The following PRKCE variants were observed in gnomAD, a reference collection of about 807,000 sequenced individuals.
The protein encoded by PRKCE is protein kinase C epsilon, also known as protein kinase C epsilon type.
PRKCE carries 16 observed loss-of-function variants against 85.4 expected under a neutral mutation model. That is an observed-to-expected ratio of 0.19 (90% confidence interval 0.13 to 0.28). PRKCE has a LOEUF of 0.28. Ranked by LOEUF, PRKCE falls within the 10% of genes least tolerant of loss-of-function variation. The pLI, the probability that PRKCE is intolerant of heterozygous loss-of-function variation, is 1.00. For synonymous variants in PRKCE, 388 were observed against 371.5 expected (o/e 1.04, Z -0.51); for missense variants, 573 against 975.2 (o/e 0.59, Z 5.49).
At chr2:45,731,416 G>A (rs1681562944) in intron 1 of PRKCE, among the ~76,000 whole-genome samples, 1 of 152,084 alleles carries the variant, frequency 6.6e-6, no homozygotes, top group South Asian at 2.1e-4. Flanking sequence ...GTGGGGAGAT[G>A]GAGTAAAAAT....
At chr2:46,096,361 T>C (rs777017710) in intron 11 of PRKCE, among the ~76,000 whole-genome samples, 5 of 152,246 alleles carry the variant, frequency 3.3e-5, no homozygotes, top group African/African-American at 9.6e-5. Flanking sequence ...AACACAGTTC[T>C]GGAGTCAGAA....
chr2:46,096,596 G>A (rs1324785692), intron 11 of PRKCE, among the ~76,000 whole-genome samples: 1 of 152,178 alleles, frequency 6.6e-6, no homozygotes, highest in African/African-American at 2.4e-5. Context: ...GAAACTGGGA[G>A]AATACAGCCT....
intron 1 of PRKCE, among the ~76,000 whole-genome samples, chr2:45,664,174 G>C (rs1675807592): frequency 1.3e-5 from 2 of 152,322 alleles, no homozygotes; most frequent in South Asian, 4.1e-4. Context: ...AGGTCTGATA[G>C]GGATGGAGAA....
Position 45,966,523 on chromosome 2 carries a change from C to T in PRKCE, c.413-9906C>T, listed in dbSNP as rs148176594. On this transcript the variant is annotated intron_variant, in intron 2 of 14. Transcript: ENST00000306156. ...TTGACAGTTATTTAGACCAAAATAC[C>T]AGGATAGTTGAATTGTTTTCTTTGT... Among the ~76,000 whole-genome samples, 14 of 152,250 alleles carry T rather than the reference C, an allele frequency of 9.2e-5. No individual in the cohort carries two copies. The East Asian group carries it at 2.1e-3, about 23-fold the overall frequency.
At chr2:46,102,068 T>C (rs980956167) in intron 11 of PRKCE, among the ~76,000 whole-genome samples, 1 of 152,174 alleles carries the variant, frequency 6.6e-6, no homozygotes, top group African/African-American at 2.4e-5. Context: ...TGCGTGTCTC[T>C]TCCCCATTCT....
At position 45,834,446 on chromosome 2, in the gene PRKCE, T is replaced by C. The variant is rs1427092818; in HGVS notation, c.349-8554T>C. On this transcript the variant is annotated intron_variant, in intron 1 of 14. Transcript: ENST00000306156. ...CAGAACACAATTTTGTAAATGGGCG[T>C]AGAATAAAGAATAAGGCCTCCTTTC... 2.0e-5 allele frequency among the ~76,000 whole-genome samples: 3 copies of C among 152,232 alleles called. No individual in the cohort carries two copies. The East Asian group carries it at 5.8e-4, about 29-fold the overall frequency.
At chr2:45,686,745 A>C (rs1329614929) in intron 1 of PRKCE, among the ~76,000 whole-genome samples, 1 of 152,182 alleles carries the variant, frequency 6.6e-6, no homozygotes, top group Non-Finnish European at 1.5e-5. Flanking sequence ...ATATTTAAGT[A>C]GTATAGAATT....
At chr2:45,996,825 G>T (rs1033657645) in intron 6 of PRKCE, among the ~76,000 whole-genome samples, 6 of 152,048 alleles carry the variant, frequency 3.9e-5, no homozygotes, top group African/African-American at 1.4e-4. Context: ...TGATATTATG[G>T]TAATGGTGGC....
intron 1 of PRKCE, among the ~76,000 whole-genome samples, chr2:45,803,140 G>C (rs554132469): frequency 6.6e-6 from 1 of 152,324 alleles, no homozygotes; most frequent in African/African-American, 2.4e-5. Flanking sequence ...GTCTCAGACC[G>C]TGGTGGATCT....
At chr2:45,655,189 C>T (rs1675320248) in intron 1 of PRKCE, among the ~76,000 whole-genome samples, 1 of 152,188 alleles carries the variant, frequency 6.6e-6, no homozygotes, top group Non-Finnish European at 1.5e-5. Flanking sequence ...CCCTGGGTTA[C>T]TCTCAAGGGG....
chr2:45,849,938 A>G (rs2105544799), intron 2 of PRKCE, among the ~76,000 whole-genome samples: 1 of 152,346 alleles, frequency 6.6e-6, no homozygotes, highest in South Asian at 2.1e-4. Flanking sequence ...CAAGGGGATC[A>G]GCTGGAAAAC....
chr2:45,762,929 C>CTT (rs373886402), intron 1 of PRKCE, among the ~76,000 whole-genome samples: 1 of 147,234 alleles, frequency 6.8e-6, no homozygotes, highest in Non-Finnish European at 1.5e-5. Context: ...TTGAGGTGTT[C>CTT]TTTCTTTTCT....
chr2:45,815,200 C>G (rs892486352), intron 1 of PRKCE, among the ~76,000 whole-genome samples: 4 of 152,180 alleles, frequency 2.6e-5, no homozygotes, highest in South Asian at 2.1e-4. Context: ...CCAGTTACCC[C>G]CCTTCTTTGG....
chr2:46,094,784 G>A (rs1438771125), intron 11 of PRKCE, among the ~76,000 whole-genome samples: 1 of 146,408 alleles, frequency 6.8e-6, no homozygotes, highest in Admixed American at 6.9e-5. Context: ...TAAGAACTCA[G>A]AACTTAAAAT....
rs72879778 is a variant in PRKCE, at chr2:46,152,839, A to G, written c.1920+1610A>G. Among the ~76,000 whole-genome samples the G allele has an allele frequency of 2.5e-3, 382 of 152,214 alleles. 3 individuals are homozygous for G. The highest frequency in any genetic ancestry group is 8.7e-3 in the African/African-American group (360 of 41,532). On this transcript the variant is annotated intron_variant, in intron 13 of 14. Transcript: ENST00000306156. ...TGGGATTACAGGTGTGAGCCACTAC[A>G]CCCTACCTAATGTAAATTATTGTAT...
At chr2:46,031,048 A>G (rs1707481447) in intron 10 of PRKCE, among the ~76,000 whole-genome samples, 1 of 152,222 alleles carries the variant, frequency 6.6e-6, no homozygotes, top group Non-Finnish European at 1.5e-5. Flanking sequence ...GAATATTTAA[A>G]TGGATTTCCC....
intron 2 of PRKCE, among the ~76,000 whole-genome samples, chr2:45,870,708 G>T (rs796517037): frequency 1.3e-5 from 2 of 152,316 alleles, no homozygotes; most frequent in African/African-American, 4.8e-5. Flanking sequence ...TTCAAATCCA[G>T]TTTCTATCGG....
chr2:46,054,695 G>A (rs1328252270), intron 10 of PRKCE, among the ~76,000 whole-genome samples: 1 of 152,182 alleles, frequency 6.6e-6, no homozygotes, highest in Non-Finnish European at 1.5e-5. Context: ...CCCAGCAAGG[G>A]CCCTACCCTC....
intron 14 of PRKCE, among the ~76,000 whole-genome samples, chr2:46,168,364 A>G (rs1678554400): frequency 6.6e-6 from 1 of 152,212 alleles, no homozygotes; most frequent in South Asian, 2.1e-4. Context: ...ACGCCTGATC[A>G]AACCAGAGGA....
Sources: allele counts gnomAD v4.1 joint callset (sites outside exome capture counted in the v4.1 genomes callset), GRCh38; gene constraint gnomAD v4.1.1; transcripts MANE v1.5; gene names NCBI Gene and HGNC (gene_info 2026-07-23, HGNC 2026-07-21).